The following POLR1A variants were observed in gnomAD, a reference collection of about 807,000 sequenced individuals.
POLR1A encodes the protein DNA-directed RNA polymerase I subunit RPA1.
POLR1A carries 84 observed loss-of-function variants against 205.3 expected under a neutral mutation model. The ratio of observed to expected loss-of-function variants is 0.41; its 90% CI spans 0.34 to 0.49. The LOEUF is 0.49. POLR1A is among the 20% of genes least tolerant of loss of function. The pLI is 0.22. For missense variants in POLR1A, 1,645 were observed against 2,204.5 expected (o/e 0.75, Z 5.08); for synonymous variants, 799 against 863.7 (o/e 0.93, Z 1.31).
rs757808413 is a variant in POLR1A, at chr2:86,105,766, G to T, written c.11C>A (p.Ser4Tyr). The T allele has an allele frequency of 1.2e-6, 2 of 1,613,868 alleles. No individual in the cohort carries two copies. Among genetic ancestry groups the T allele is most frequent in the East Asian group, 4.5e-5 (2 of 44,880 alleles). Residue 4 changes from serine to tyrosine, a missense_variant, in exon 1 of 34, where the codon TCC (serine) becomes TAC (tyrosine). This residue lies in a region of POLR1A where 330 missense variants were observed against 375.6 expected (regional missense o/e 0.88). Coordinates refer to ENST00000263857, the MANE Select transcript of POLR1A (RefSeq NM_015425.6). MLI[S>Y]KNMPWRRLQG... Reference sequence around the variant, plus strand: ...CAGCCGCCGCCAGGGCATGTTCTTGGAGATCAACATCCTCCAGGTCCGTTT... The same window carrying T: ...CAGCCGCCGCCAGGGCATGTTCTTGTAGATCAACATCCTCCAGGTCCGTTT...
At chr2:86,078,468 A>C (rs942000313) in intron 9 of POLR1A, among the ~76,000 whole-genome samples, 184 bp from the exon 10 acceptor site, 1 of 152,252 alleles carries the variant, frequency 6.6e-6, no homozygotes, top group Non-Finnish European at 1.5e-5. Flanking sequence ...TGTCAATAAG[A>C]CATATCAGCA....
At chr2:86,055,686 C>T (rs1250969664) in intron 14 of POLR1A, among the ~76,000 whole-genome samples, 1 of 152,196 alleles carries the variant, frequency 6.6e-6, no homozygotes, top group Non-Finnish European at 1.5e-5. Flanking sequence ...TGACCTGCCA[C>T]TTCATCTGTA....
chr2:86,033,550 G>C, intron 28 of POLR1A, 111 bp downstream of exon 28: 3 of 1,227,314 alleles, frequency 2.4e-6, no homozygotes, highest in Admixed American at 4.5e-5. Context: ...ATAGGTAGGA[G>C]ATGGGCCAGC....
In POLR1A at chr2:86,043,055, A is replaced by G; in HGVS notation, c.3276T>C (p.Tyr1092=). 6.2e-7 allele frequency: 1 copy of G among 1,614,206 alleles called. No homozygotes were observed. The highest frequency in any genetic ancestry group is 8.5e-7 in the Non-Finnish European group (1 of 1,180,032). ...TLLRRGAFLS[Y]SQKIQEAVKA... Reference sequence around the variant, plus strand: ...TCACAGCTTCCTGAATTTTCTGGGAATAACTCAAGAAGGCGCCTCTTCTCA... The same window carrying G: ...TCACAGCTTCCTGAATTTTCTGGGAGTAACTCAAGAAGGCGCCTCTTCTCA... The change falls in exon 23 of 34, where the codon TAT becomes TAC. Residue 1092 remains tyrosine (Y), a synonymous_variant. Coordinates refer to ENST00000263857, the MANE Select transcript of POLR1A (RefSeq NM_015425.6).
intron 24 of POLR1A, among the ~76,000 whole-genome samples, chr2:86,041,215 T>C (rs1672599149): frequency 7.2e-6 from 1 of 139,476 alleles, no homozygotes; most frequent in Non-Finnish European, 1.5e-5. Context: ...AGTGTCTGTG[T>C]GTGTGTGTGT....
chr2:86,096,349 C>T (rs974815636), intron 3 of POLR1A, among the ~76,000 whole-genome samples: 4 of 152,186 alleles, frequency 2.6e-5, no homozygotes, highest in East Asian at 3.9e-4. Context: ...TACTACACTA[C>T]CCAAAGCAAT....
At chr2:86,059,754 C>T (rs1329236367) in intron 14 of POLR1A, among the ~76,000 whole-genome samples, 1 of 151,998 alleles carries the variant, frequency 6.6e-6, no homozygotes, top group Non-Finnish European at 1.5e-5. Flanking sequence ...TTAGTAGAGA[C>T]GGGGTTTTGC....
At chr2:86,062,020 C>A (rs140053905) in intron 14 of POLR1A, among the ~76,000 whole-genome samples, 1 of 152,126 alleles carries the variant, frequency 6.6e-6, no homozygotes, top group Non-Finnish European at 1.5e-5. Flanking sequence ...GAGAGACCTT[C>A]GGTTTGTAAA....
At chr2:86,044,718 G>A (rs548358987) in intron 21 of POLR1A, among the ~76,000 whole-genome samples, 11 of 152,332 alleles carry the variant, frequency 7.2e-5, no homozygotes, top group African/African-American at 2.6e-4. Context: ...GTCAGCCCAG[G>A]GATTGCCAAG....
At chr2:86,049,269 AGG>A in intron 16 of POLR1A, 27 bp from the exon 17 acceptor site, 1 of 1,541,466 alleles carries the variant, frequency 6.5e-7, no homozygotes, top group Non-Finnish European at 9.0e-7. Flanking sequence ...ACAAGCTTGT[AGG>A]CGACCTCAGG....
intron 13 of POLR1A, among the ~76,000 whole-genome samples, chr2:86,069,260 C>T (rs923933985): frequency 4.6e-5 from 7 of 152,216 alleles, no homozygotes; most frequent in Admixed American, 2.0e-4. Context: ...ATCATTGTGG[C>T]GCAAATGGCT....
Position 86,065,320 on chromosome 2 carries a change from A to G in POLR1A, c.2012T>C (p.Leu671Pro). Residue 671 changes from leucine to proline, a missense_variant, in exon 14 of 34, where the codon CTT becomes CCT. By Grantham distance (98) the Leu-to-Pro change is moderately conservative. This residue lies in a region of POLR1A where 339 missense variants were observed against 415.1 expected (regional missense o/e 0.82). Coordinates refer to ENST00000263857, the MANE Select transcript of POLR1A (RefSeq NM_015425.6). ...LTDKVGRVKL[L>P]SPSILKPFPL... ...AAAGGGCTTCAGGATGGAAGGAGAAAGGAGCTTCACGCGCCCCACTTTGTC... is the reference window on the plus strand; with the variant it reads ...AAAGGGCTTCAGGATGGAAGGAGAAGGGAGCTTCACGCGCCCCACTTTGTC... 1 of 1,614,142 alleles carries G rather than the reference A, an allele frequency of 6.2e-7. No homozygotes were observed.
chr2:86,068,292 C>T (rs1673116280), intron 13 of POLR1A, among the ~76,000 whole-genome samples: 1 of 149,532 alleles, frequency 6.7e-6, no homozygotes, highest in South Asian at 2.1e-4. Context: ...GAGACCCACA[C>T]AGTTCTGGCA....
At chr2:86,068,397 G>T (rs1005489949) in intron 13 of POLR1A, among the ~76,000 whole-genome samples, 2 of 107,992 alleles carry the variant, frequency 1.9e-5, no homozygotes, top group Non-Finnish European at 4.0e-5. Context: ...GGGGGGGGGG[G>T]GCGGGTGTCG....
rs534574470 is a variant in POLR1A, at chr2:86,055,537, C to T, written c.2059-1248G>A. Among the ~76,000 whole-genome samples the T allele has an allele frequency of 3.3e-5, 5 of 152,316 alleles. No homozygotes were observed. In the South Asian group the frequency reaches 6.2e-4, roughly 19 times the overall value. On this transcript the variant is annotated intron_variant, in intron 14 of 33. Coordinates refer to ENST00000263857, the MANE Select transcript of POLR1A (RefSeq NM_015425.6). Reference sequence around the variant, plus strand: ...AGGGAGCAAAGGCAGGAGAGTGACACGTCCTGGGGTGCCTACTTCAAGCTG... The same window carrying T: ...AGGGAGCAAAGGCAGGAGAGTGACATGTCCTGGGGTGCCTACTTCAAGCTG...
chr2:86,067,448 T>A (rs1673101350), intron 13 of POLR1A, among the ~76,000 whole-genome samples: 1 of 152,034 alleles, frequency 6.6e-6, no homozygotes, highest in African/African-American at 2.4e-5. Context: ...GGAAAAAAAA[T>A]TAGTCCAAAA....
chr2:86,082,848 T>C (rs887698858), intron 7 of POLR1A, among the ~76,000 whole-genome samples: 3 of 152,188 alleles, frequency 2.0e-5, no homozygotes, highest in African/African-American at 7.2e-5. Flanking sequence ...GCAGTTGTCA[T>C]TTCATAACCA....
rs370628040 is a variant in POLR1A at position 86,075,219 on chromosome 2, T to C, written c.1422A>G (p.Pro474=). Residue 474 remains proline, a synonymous_variant, in exon 12 of 34, where the codon CCA becomes CCG. Coordinates refer to ENST00000263857, the MANE Select transcript of POLR1A (RefSeq NM_015425.6). Reference sequence around the variant, plus strand: ...CTTGCCTAAGTTCCTGAACATTCCATGGGGTAACTGGCTGTGGGTAGGTCA... The same window carrying C: ...CTTGCCTAAGTTCCTGAACATTCCACGGGGTAACTGGCTGTGGGTAGGTCA... ...TKLTYPQPVT[P]WNVQELRQAV... 28 of 1,611,514 alleles carry C rather than the reference T, an allele frequency of 1.7e-5. No homozygotes were observed. The highest frequency in any genetic ancestry group is 4.5e-5 in the East Asian group (2 of 44,854).
At chr2:86,040,179 A>G (rs1230321804) in intron 25 of POLR1A, 4 of 410,686 alleles carry the variant, frequency 9.7e-6, no homozygotes, top group Non-Finnish European at 1.7e-5. Flanking sequence ...TGGCAGAGGA[A>G]TAAATGGAGA....
Sources: allele counts gnomAD v4.1 joint callset (sites outside exome capture counted in the v4.1 genomes callset), GRCh38; gene constraint gnomAD v4.1.1; regional missense constraint gnomAD v4.1.1; transcripts MANE v1.5; gene names NCBI Gene and HGNC (gene_info 2026-07-23, HGNC 2026-07-21).